DOCK1: variants seen among roughly 807,000 people sequenced by gnomAD.
The protein encoded by DOCK1 is dedicator of cytokinesis protein 1.
Under a neutral mutation model 262.7 loss-of-function variants are expected in DOCK1, and 138 were observed. The observed-to-expected ratio is 0.53, with a 90% CI of 0.46 to 0.61. The LOEUF (loss-of-function observed/expected upper bound fraction) is 0.61, where lower values mean the gene tolerates loss of function less well. Ranked by LOEUF, DOCK1 falls within the 20% of genes least tolerant of loss-of-function variation. The pLI, the probability that DOCK1 is intolerant of heterozygous loss-of-function variation, is 0.00. For missense variants in DOCK1, 1,908 were observed against 2,370.7 expected (o/e 0.80, Z 4.05); for synonymous variants, 866 against 867.4 (o/e 1.00, Z 0.03).
chr10:127,098,671 G>A (rs1038359104), intron 23 of DOCK1, among the ~76,000 whole-genome samples: 1 of 152,146 alleles, frequency 6.6e-6, no homozygotes, highest in East Asian at 1.9e-4. Context: ...GTCTACCATG[G>A]TGCTGCCTTC....
rs796837050 is a variant in DOCK1, at chr10:126,979,563, A to G, written c.171+1575A>G. 2.6e-5 allele frequency among the ~76,000 whole-genome samples: 4 copies of G among 152,110 alleles called. No homozygotes were observed. The East Asian group carries it at 7.8e-4, about 30-fold the overall frequency. On this transcript the variant is annotated intron_variant, in intron 3 of 51. Transcript: ENST00000623213. ...CTTTGAATCTTACTTGGTATTTGTT[A>G]TCACCTTCCCCAATTTGAGATCTCT...
intron 27 of DOCK1, among the ~76,000 whole-genome samples, chr10:127,154,335 C>T (rs190048165): frequency 5.3e-5 from 8 of 152,180 alleles, no homozygotes; most frequent in African/African-American, 9.7e-5. Context: ...TGGCAAAGTG[C>T]GGCCTGCAGG....
chr10:127,391,933 T>C (rs1190115183), intron 38 of DOCK1, among the ~76,000 whole-genome samples: 1 of 151,722 alleles, frequency 6.6e-6, no homozygotes, highest in East Asian at 1.9e-4. Flanking sequence ...TCAGGGATTC[T>C]CCCATCTCCT....
chr10:127,009,181 TAAAA>T (rs927035241), intron 11 of DOCK1, among the ~76,000 whole-genome samples: 2 of 152,252 alleles, frequency 1.3e-5, no homozygotes, highest in African/African-American at 4.8e-5. Flanking sequence ...GTTTTTAAAA[TAAAA>T]AAACAAACAA....
intron 27 of DOCK1, among the ~76,000 whole-genome samples, chr10:127,214,287 GTCT>G (rs905992556): frequency 1.3e-5 from 2 of 152,078 alleles, no homozygotes; most frequent in Admixed American, 6.5e-5. Flanking sequence ...AGCTGTGCAC[GTCT>G]TCTTCTTTGT....
chr10:127,127,864 A>C (rs566319826), intron 27 of DOCK1, 100 bp downstream of exon 27: 1 of 949,072 alleles, frequency 1.1e-6, no homozygotes, highest in East Asian at 2.6e-5. Context: ...CAATGTAGTG[A>C]GCAGTTGAGA....
Position 127,245,690 on chromosome 10 carries a change from A to G in DOCK1, c.2848-2318A>G, listed in dbSNP as rs532941176. ...TATGTCCACGTCACCTGTTCACGTC[A>G]TCTGGCCTGAGTCTGGCTGCACTGA... On this transcript the variant is annotated intron_variant, in intron 27 of 51. Transcript: ENST00000623213. 7.9e-4 allele frequency among the ~76,000 whole-genome samples: 120 copies of G among 152,308 alleles called. 1 individual carries two copies. Among genetic ancestry groups the G allele is most frequent in the Middle Eastern group, 3.4e-3 (1 of 294 alleles).
chr10:126,969,789 A>G (rs2037958015), intron 1 of DOCK1, among the ~76,000 whole-genome samples: 2 of 152,088 alleles, frequency 1.3e-5, no homozygotes, highest in African/African-American at 2.4e-5. Context: ...CGTGCTTGCC[A>G]GAGGAGTTTG....
intron 29 of DOCK1, among the ~76,000 whole-genome samples, chr10:127,277,746 G>A (rs2060795315): frequency 6.6e-6 from 1 of 152,146 alleles, no homozygotes; most frequent in Non-Finnish European, 1.5e-5. Flanking sequence ...CTGGGTGACA[G>A]AGCGAGACTC....
Position 127,299,891 on chromosome 10 carries a change from G to A in DOCK1, c.3045-39115G>A, listed in dbSNP as rs191282189. 8.3e-4 allele frequency among the ~76,000 whole-genome samples: 127 copies of A among 152,200 alleles called. No homozygotes were observed. In the South Asian group the frequency reaches 9.5e-3, roughly 11 times the overall value. The stretch of plus-strand genomic sequence containing the variant: ...ATCAAACCTTGCATCCTTTTCTCTT[G>A]CCTTTCTGAAGATGTGGATTTGAAA... On this transcript the variant is annotated intron_variant, in intron 29 of 51. Coordinates refer to ENST00000623213, the MANE Select transcript of DOCK1 (RefSeq NM_001290223.2).
chr10:127,444,377 C>A, intron 50 of DOCK1, 98 bp downstream of exon 50: 1 of 1,395,078 alleles, frequency 7.2e-7, no homozygotes, highest in Non-Finnish European at 9.5e-7. Context: ...CCTCCCCTTG[C>A]AGCAGAGGGT....
At chr10:127,335,019 T>C (rs1473382326) in intron 29 of DOCK1, among the ~76,000 whole-genome samples, 1 of 152,220 alleles carries the variant, frequency 6.6e-6, no homozygotes, top group Non-Finnish European at 1.5e-5. Context: ...CTGAGGCCTC[T>C]CATTTGGGCC....
At chr10:127,386,184 C>G (rs1188576496) in intron 38 of DOCK1, among the ~76,000 whole-genome samples, 1 of 152,152 alleles carries the variant, frequency 6.6e-6, no homozygotes, top group Non-Finnish European at 1.5e-5. Flanking sequence ...ATGCGGCATC[C>G]TTTATTTGTC....
intron 27 of DOCK1, among the ~76,000 whole-genome samples, chr10:127,224,087 A>G (rs1344097958): frequency 2.0e-5 from 3 of 152,186 alleles, no homozygotes; most frequent in Admixed American, 1.3e-4. Context: ...GTTTATAATC[A>G]TGTTTTGAGC....
intron 50 of DOCK1, 139 bp from the exon 51 acceptor site, chr10:127,447,255 C>T: frequency 1.6e-6 from 2 of 1,257,318 alleles, no homozygotes; most frequent in Middle Eastern, 2.2e-4. Flanking sequence ...CCCTCATCTG[C>T]TCTGTTGACA....
intron 29 of DOCK1, among the ~76,000 whole-genome samples, chr10:127,307,945 C>T (rs553655493): frequency 3.3e-5 from 5 of 152,328 alleles, no homozygotes; most frequent in African/African-American, 9.6e-5. Context: ...GTGGCTGTCC[C>T]AGCAAGTGGC....
At chr10:127,178,620 C>T (rs926251021) in intron 27 of DOCK1, among the ~76,000 whole-genome samples, 10 of 152,166 alleles carry the variant, frequency 6.6e-5, no homozygotes, top group Non-Finnish European at 1.2e-4. Context: ...GTGAGGCTTG[C>T]GTAGACAGCA....
chr10:127,023,020 A>G (rs1000723811), intron 13 of DOCK1, among the ~76,000 whole-genome samples, 180 bp from the exon 14 acceptor site: 5 of 152,216 alleles, frequency 3.3e-5, no homozygotes, highest in African/African-American at 1.2e-4. Context: ...AAACTTTATC[A>G]TGATGAAAAT....
intron 30 of DOCK1, 108 bp from the exon 31 acceptor site, chr10:127,343,538 A>T (rs1554952190): frequency 9.9e-6 from 9 of 911,820 alleles, no homozygotes; most frequent in Middle Eastern, 2.2e-4. Context: ...TTTTTTTTTT[A>T]ACTTTTCAGA....
Sources: allele counts gnomAD v4.1 joint callset (sites outside exome capture counted in the v4.1 genomes callset), GRCh38; gene constraint gnomAD v4.1.1; transcripts MANE v1.5; gene names NCBI Gene and HGNC (gene_info 2026-07-23, HGNC 2026-07-21).